The following RPL19 variants were observed in gnomAD, a reference collection of about 807,000 sequenced individuals.
RPL19 encodes the protein large ribosomal subunit protein eL19.
RPL19 carries 2 observed loss-of-function variants against 25.1 expected under a neutral mutation model. The ratio of observed to expected loss-of-function variants is 0.08; its 90% CI spans 0.03 to 0.25. The LOEUF (loss-of-function observed/expected upper bound fraction) is 0.25. RPL19 is among the 10% of genes least tolerant of loss of function. The probability of loss-of-function intolerance (pLI) is 1.00; values close to 1 mark genes in which losing one functional copy is unlikely to be tolerated. For missense variants in RPL19, 123 were observed against 271.8 expected, an observed-to-expected ratio of 0.45 and a Z score of 3.85; for synonymous variants, 89 against 91.2, an observed-to-expected ratio of 0.98 and a Z score of 0.14.
At chr17:39,203,141 T>TTGC in intron 4 of RPL19, 32 bp downstream of exon 4, 1 of 1,596,082 alleles carries the variant, frequency 6.3e-7, no homozygotes, top group Non-Finnish European at 8.6e-7. Flanking sequence ...CAGTACCCAT[T>TTGC]TGCTGCTTTG....
chr17:39,202,412 C>A lies in RPL19; in HGVS notation c.208C>A (p.Arg70Ser), dbSNP rs766302055. Residue 70 changes from arginine to serine, a missense_variant, in exon 3 of 6, where the codon CGC becomes AGC. By Grantham distance (110) the Arg-to-Ser change is moderately radical. Coordinates refer to ENST00000225430, the MANE Select transcript of RPL19 (RefSeq NM_000981.4). The part of the protein sequence containing the change: ...RARCRKNTLA[R>S]RKGRHMGIGK... ...TCGATGCCGGAAAAACACCTTGGCC[C>A]GCCGGAAGGGCAGGCACATGGGCAT... 1 of 1,614,200 alleles carries A rather than the reference C, an allele frequency of 6.2e-7. No individual in the cohort carries two copies. Among genetic ancestry groups the A allele is most frequent in the African/African-American group, 1.3e-5 (1 of 75,062 alleles).
At chr17:39,204,503 G>A (rs767294565) in intron 5 of RPL19, 22 bp from the exon 6 acceptor site, 13 of 1,613,466 alleles carry the variant, frequency 8.1e-6, no homozygotes, top group East Asian at 6.7e-5. Flanking sequence ...AAACTGACCC[G>A]TCTTTTCTCT....
Position 39,202,426 on chromosome 17 carries a change from G to A in RPL19, c.222G>A (p.Arg74=), listed in dbSNP as rs201777990. ...RKNTLARRKG[R]HMGIGKRKGT... is the part of the protein sequence containing the mutation. ...ACACCTTGGCCCGCCGGAAGGGCAG[G>A]CACATGGGCATAGGTAAGTGTGGTC... Residue 74 remains arginine, a synonymous_variant, in exon 3 of 6, where the codon AGG becomes AGA. Coordinates refer to ENST00000225430, the MANE Select transcript of RPL19 (RefSeq NM_000981.4). The A allele has an allele frequency of 2.3e-4, 367 of 1,614,206 alleles. No homozygotes were observed. The African/African-American group carries it at 2.5e-3, about 11-fold the overall frequency.
intron 1 of RPL19, chr17:39,200,987 G>T: frequency 2.0e-6 from 1 of 496,842 alleles, no homozygotes; most frequent in Non-Finnish European, 3.5e-6. Flanking sequence ...TGACTTTCCA[G>T]AGGAGAAATG....
chr17:39,202,804 A>T, intron 3 of RPL19, 185 bp from the exon 4 acceptor site: 1 of 669,456 alleles, frequency 1.5e-6, no homozygotes, highest in Non-Finnish European at 2.5e-6. Context: ...CTTCCTTTAA[A>T]ATTGAGTAAA....
chr17:39,201,297 T>C lies in RPL19; in HGVS notation c.90T>C (p.Asn30=), dbSNP rs2144207381. 1 of 1,612,042 alleles carries C rather than the reference T, an allele frequency of 6.2e-7. No individual in the cohort carries two copies. Among genetic ancestry groups the C allele is most frequent in the Non-Finnish European group, 8.5e-7 (1 of 1,178,302 alleles). ...KKVWLDPNET[N]EIANANSRQQ... is the part of the protein sequence containing the mutation. ...TCTGGTTAGACCCCAATGAGACCAATGAAATCGCCAATGCCAACTCCCGTG... is the reference window on the plus strand; with the variant it reads ...TCTGGTTAGACCCCAATGAGACCAACGAAATCGCCAATGCCAACTCCCGTG... The change falls in exon 2 of 6, where the codon AAT becomes AAC. Residue 30 remains asparagine, a synonymous_variant. Coordinates refer to ENST00000225430, the MANE Select transcript of RPL19 (RefSeq NM_000981.4).
rs535180024 is a variant in RPL19, at chr17:39,200,577, C to T, written c.5+228C>T. ...GAAAAGTCTGCCCCGGCTGGTGCCG[C>T]ACCGCACACGTGTCCGGTCGACCCA... On this transcript the variant is annotated intron_variant, in intron 1 of 5. Transcript: ENST00000225430. The T allele has an allele frequency of 6.4e-5, 82 of 1,285,050 alleles. No individual in the cohort carries two copies. The African/African-American group carries it at 1.2e-3, about 18-fold the overall frequency. 79.6% of individuals were successfully genotyped at this position (1,285,050 alleles called of 1,614,324 possible). A position where few individuals can be genotyped will look rare whatever the true frequency, so the allele number is the denominator to read the frequency against.
chr17:39,204,401 G>C (rs1381495698), intron 5 of RPL19, 124 bp from the exon 6 acceptor site: 7 of 1,231,900 alleles, frequency 5.7e-6, no homozygotes, highest in Non-Finnish European at 8.1e-6. Context: ...GGAGCCTTTG[G>C]TGGGCCCAGC....
At chr17:39,204,401 G>A in intron 5 of RPL19, 124 bp from the exon 6 acceptor site, 1 of 1,232,018 alleles carries the variant, frequency 8.1e-7, no homozygotes, top group Non-Finnish European at 1.2e-6. Flanking sequence ...GGAGCCTTTG[G>A]TGGGCCCAGC....
chr17:39,200,581 G>A, intron 1 of RPL19: 5 of 1,270,124 alleles, frequency 3.9e-6, no homozygotes, highest in Non-Finnish European at 5.0e-6. Flanking sequence ...GTGCCGCACC[G>A]CACACGTGTC....
intron 4 of RPL19, among the ~76,000 whole-genome samples, chr17:39,203,665 C>T (rs1336813825): frequency 1.3e-5 from 2 of 151,798 alleles, no homozygotes; most frequent in African/African-American, 2.4e-5. Context: ...TGTACTACCA[C>T]GCCTGGCTAA....
chr17:39,200,336 G>A lies in RPL19; in HGVS notation c.-9G>A, dbSNP rs2046276562. ...CGAGCTCTTTCCTTTCGCTGCTGCGGCCGCAGCCATGAGGTGAGGGCGAGC... is the reference window on the plus strand; with the variant it reads ...CGAGCTCTTTCCTTTCGCTGCTGCGACCGCAGCCATGAGGTGAGGGCGAGC... On this transcript the variant is annotated 5_prime_UTR_variant, in exon 1 of 6. Transcript: ENST00000225430. The A allele has an allele frequency of 2.6e-6, 4 of 1,559,592 alleles. No individual in the cohort carries two copies. The highest frequency in any genetic ancestry group is 3.5e-6 in the Non-Finnish European group (4 of 1,155,140).
rs767209600 is a variant in RPL19 at position 39,204,063 on chromosome 17, C to T, written c.357-14C>T. Reference sequence around the variant, plus strand: ...ATCACCAACCAGCATCTCTTCACTCCGTGTACCCTGCAGGTATCACAGCCT... The same window carrying T: ...ATCACCAACCAGCATCTCTTCACTCTGTGTACCCTGCAGGTATCACAGCCT... On this transcript the variant is annotated splice_polypyrimidine_tract_variant and intron_variant, in intron 4 of 5. Coordinates refer to ENST00000225430, the MANE Select transcript of RPL19 (RefSeq NM_000981.4). 2.8e-5 allele frequency: 41 copies of T among 1,484,190 alleles called. No individual in the cohort carries two copies. Among genetic ancestry groups the T allele is most frequent in the Non-Finnish European group, 3.6e-5 (38 of 1,062,002 alleles). 91.9% of individuals were successfully genotyped at this position (1,484,190 alleles called of 1,614,324 possible). A position where few individuals can be genotyped will look rare whatever the true frequency, so the allele number is the denominator to read the frequency against.
chr17:39,202,695 C>G lies in RPL19; in HGVS notation c.235+256C>G, dbSNP rs777384367. ...CTGTACTTTCTAGTTTCAGAATGAT[C>G]GAAGGAAGCTCCTTACAACGTGCTG... On this transcript the variant is annotated intron_variant, in intron 3 of 5. Coordinates refer to ENST00000225430, the MANE Select transcript of RPL19 (RefSeq NM_000981.4). 48 of 596,380 alleles carry G rather than the reference C, an allele frequency of 8.0e-5. 1 individual carries two copies. In the South Asian group the frequency reaches 9.3e-4, roughly 12 times the overall value. The allele number at this position is 596,380 out of a possible 1,614,324, so 36.9% of individuals were successfully genotyped here.
At position 39,202,085 on chromosome 17, in the gene RPL19, T is replaced by C. The variant is rs79463269; in HGVS notation, c.113-232T>C. Among the ~76,000 whole-genome samples, 587 of 152,200 alleles carry C rather than the reference T, an allele frequency of 3.9e-3. 2 individuals are homozygous for C. Among genetic ancestry groups the C allele is most frequent in the African/African-American group, 0.013 (542 of 41,516 alleles). On this transcript the variant is annotated intron_variant, in intron 2 of 5. Transcript: ENST00000225430. ...AAATTCAAGACCGGCCTGGGCAACA[T>C]AGGGAGACTGTCTCAAAGACAAAGG...
intron 1 of RPL19, 149 bp downstream of exon 1, chr17:39,200,498 T>C: frequency 3.2e-6 from 4 of 1,256,350 alleles, no homozygotes; most frequent in Middle Eastern, 3.1e-4. Context: ...AGCACTTTCG[T>C]CCCGGGCCTC....
chr17:39,202,266 G>T (rs761124076), intron 2 of RPL19, 51 bp from the exon 3 acceptor site: 2 of 1,610,852 alleles, frequency 1.2e-6, no homozygotes, highest in South Asian at 2.2e-5. Flanking sequence ...TTTGGACTCT[G>T]TGATGTGCTT....
chr17:39,202,072 G>A (rs1003517166), intron 2 of RPL19, among the ~76,000 whole-genome samples: 6 of 152,134 alleles, frequency 3.9e-5, no homozygotes, highest in East Asian at 3.8e-4. Context: ...ATTCAAGACC[G>A]GCCTGGGCAA....
In RPL19 at chr17:39,200,797, C is replaced by G. The variant is rs2046281296; in HGVS notation, c.6-416C>G. ...TCCTTTGGCCTCTCATAAAGGAAATCTCTGCGAATAGCCGAACGAGGCTTG... is the reference window on the plus strand; with the variant it reads ...TCCTTTGGCCTCTCATAAAGGAAATGTCTGCGAATAGCCGAACGAGGCTTG... On this transcript the variant is annotated intron_variant, in intron 1 of 5. Coordinates refer to ENST00000225430, the MANE Select transcript of RPL19 (RefSeq NM_000981.4). 9.8e-6 allele frequency: 10 copies of G among 1,022,068 alleles called. No individual in the cohort carries two copies. In the South Asian group the frequency reaches 3.9e-4, roughly 40 times the overall value. 63.3% of individuals were successfully genotyped at this position (1,022,068 alleles called of 1,614,324 possible). A position where few individuals can be genotyped will look rare whatever the true frequency, so the allele number is the denominator to read the frequency against.
Sources: allele counts gnomAD v4.1 joint callset (sites outside exome capture counted in the v4.1 genomes callset), GRCh38; gene constraint gnomAD v4.1.1; transcripts MANE v1.5; gene names NCBI Gene and HGNC (gene_info 2026-07-23, HGNC 2026-07-21).